The following FAM171A1 variants were observed in gnomAD, a reference collection of about 807,000 sequenced individuals.
The protein encoded by FAM171A1 is family with sequence similarity 171 member A1.
In FAM171A1, 23 loss-of-function variants were observed where a neutral mutation model predicts 74.9. The ratio of observed to expected loss-of-function variants is 0.31; its 90% confidence interval spans 0.22 to 0.44. FAM171A1 has a LOEUF of 0.44. Among genes scored for constraint, FAM171A1 ranks in the 20% least tolerant of loss-of-function variants. The pLI, the probability that FAM171A1 is intolerant of heterozygous loss-of-function variation, is 1.00. For missense variants in FAM171A1, 1,162 were observed against 1,159.2 expected (o/e 1.00, Z -0.03); for synonymous variants, 527 against 505.7 (o/e 1.04, Z -0.57).
At chr10:15,229,163 A>T (rs9423933) in intron 5 of FAM171A1, among the ~76,000 whole-genome samples, 1 of 152,096 alleles carries the variant, frequency 6.6e-6, no homozygotes, top group Non-Finnish European at 1.5e-5. Flanking sequence ...AGCTACATTC[A>T]CACTGTGAGA....
intron 5 of FAM171A1, among the ~76,000 whole-genome samples, chr10:15,246,954 T>A (rs1230269814): frequency 2.0e-5 from 3 of 152,222 alleles, no homozygotes; most frequent in Non-Finnish European, 4.4e-5. Context: ...CCAATACAAC[T>A]GTCTGGAGGG....
chr10:15,313,889 C>T (rs1316527566), intron 1 of FAM171A1, among the ~76,000 whole-genome samples: 2 of 152,230 alleles, frequency 1.3e-5, no homozygotes, highest in Admixed American at 6.5e-5. Context: ...CTGTTTCCTG[C>T]CAGGACAGAA....
chr10:15,371,252 G>GGCC lies in FAM171A1; in HGVS notation c.-201_-200insGGC, dbSNP rs1564294883. On this transcript the variant is annotated 5_prime_UTR_variant, in exon 1 of 8. Coordinates refer to ENST00000378116, the MANE Select transcript of FAM171A1 (RefSeq NM_001010924.2). ...GGTTTCCCCGAAGAGCCGCGGCGGC[G>GGCC]GCGGCGGCGGCGGCTGCTGCTGCTC... Among the ~76,000 whole-genome samples, 1 of 144,024 alleles carries GGCC rather than the reference G, an allele frequency of 6.9e-6. No homozygotes were observed. Among genetic ancestry groups the GGCC allele is most frequent in the East Asian group, 2.1e-4 (1 of 4,786 alleles). The allele number at this position is 144,024 out of a possible 152,430, so 94.5% of individuals were successfully genotyped here.
intron 1 of FAM171A1, among the ~76,000 whole-genome samples, chr10:15,310,334 GCAGGTAATACC>G (rs1407825828): frequency 1.3e-5 from 2 of 152,182 alleles, no homozygotes; most frequent in African/African-American, 4.8e-5. Context: ...ACAGGTTAGA[GCAGGTAATACC>G]CTTGGGTTGT....
At chr10:15,345,193 T>A (rs1184118198) in intron 1 of FAM171A1, among the ~76,000 whole-genome samples, 3 of 152,208 alleles carry the variant, frequency 2.0e-5, no homozygotes, top group African/African-American at 7.2e-5. Flanking sequence ...ATTGGTACGA[T>A]CACATTGACT....
At chr10:15,320,407 T>C (rs61198847) in intron 1 of FAM171A1, among the ~76,000 whole-genome samples, 3,294 of 152,350 alleles carry the variant, frequency 0.022, 128 homozygotes, top group African/African-American at 0.075. Context: ...ATTTTTGCTA[T>C]TGTGAATAGT....
At chr10:15,363,888 C>T (rs7924225) in intron 1 of FAM171A1, among the ~76,000 whole-genome samples, 5 of 152,146 alleles carry the variant, frequency 3.3e-5, no homozygotes, top group South Asian at 2.1e-4. Flanking sequence ...GTTTCCACAG[C>T]GCTCCTCCCT....
intron 1 of FAM171A1, among the ~76,000 whole-genome samples, chr10:15,318,934 C>T (rs570926810): frequency 6.6e-6 from 1 of 152,264 alleles, no homozygotes; most frequent in Middle Eastern, 3.4e-3. Flanking sequence ...CTCATAGTTC[C>T]AAGAGGGTTT....
upstream of FAM171A1, among the ~76,000 whole-genome samples, chr10:15,371,667 T>C (rs917514178): frequency 2.0e-5 from 3 of 152,226 alleles, no homozygotes; most frequent in South Asian, 2.1e-4. Flanking sequence ...GCAGTAGGCC[T>C]GCAGTACCTA....
At chr10:15,223,825 T>C (rs1415424903) in intron 5 of FAM171A1, among the ~76,000 whole-genome samples, 2 of 152,114 alleles carry the variant, frequency 1.3e-5, no homozygotes, top group East Asian at 1.9e-4. Context: ...CTTGAACCTG[T>C]GAGGCGGAGG....
At chr10:15,366,278 C>T (rs1836061181) in intron 1 of FAM171A1, among the ~76,000 whole-genome samples, 1 of 152,218 alleles carries the variant, frequency 6.6e-6, no homozygotes, top group East Asian at 1.9e-4. Context: ...CGCCACCATG[C>T]TTGGCTACGT....
At chr10:15,267,559 C>T (rs1051889990) in intron 3 of FAM171A1, among the ~76,000 whole-genome samples, 15 of 133,972 alleles carry the variant, frequency 1.1e-4, no homozygotes, top group African/African-American at 3.1e-4. Context: ...GCCGAGATCG[C>T]GCCACTGTAC....
intron 1 of FAM171A1, among the ~76,000 whole-genome samples, chr10:15,330,356 G>A (rs1478627578): frequency 6.6e-6 from 1 of 152,034 alleles, no homozygotes; most frequent in African/African-American, 2.4e-5. Flanking sequence ...TTACCACAGT[G>A]TCAAAATCAT....
chr10:15,330,511 C>T (rs753511617), intron 1 of FAM171A1, among the ~76,000 whole-genome samples: 2 of 152,114 alleles, frequency 1.3e-5, no homozygotes, highest in Non-Finnish European at 2.9e-5. Flanking sequence ...TAGCACAGAA[C>T]TTCTTTCGGC....
At chr10:15,312,673 G>GTTTTTTTTTTTTTTTTTTTTTTTTTTT (rs1169098742) in intron 1 of FAM171A1, among the ~76,000 whole-genome samples, 2 of 36,402 alleles carry the variant, frequency 5.5e-5, no homozygotes, top group African/African-American at 1.2e-4. Context: ...AGCACTGTGT[G>GTTTTTTTTTTTTTTTTTTTTTTTTTTT]TTTTTTTTTT....
At chr10:15,263,549 G>C (rs1215198827) in intron 3 of FAM171A1, among the ~76,000 whole-genome samples, 1 of 152,118 alleles carries the variant, frequency 6.6e-6, no homozygotes, top group Non-Finnish European at 1.5e-5. Context: ...AGTCTACGTG[G>C]GGGAATATCC....
rs777620472 is a variant in FAM171A1 at position 15,371,040 on chromosome 10, C to T, written c.13G>A (p.Ala5Thr). 1 of 1,139,340 alleles carries T rather than the reference C, an allele frequency of 8.8e-7. No individual in the cohort carries two copies. The highest frequency in any genetic ancestry group is 1.8e-5 in the South Asian group (1 of 55,848). The allele number at this position is 1,139,340 out of a possible 1,614,324, so 70.6% of individuals were successfully genotyped here. A position where few individuals can be genotyped will look rare whatever the true frequency, so the allele number is the denominator to read the frequency against. Reference sequence around the variant, plus strand: ...CCCAGCAGGCACAGCAGCAGCGTCGCGGACCTGCTCATCTCCGCCGCGGGG... The same window carrying T: ...CCCAGCAGGCACAGCAGCAGCGTCGTGGACCTGCTCATCTCCGCCGCGGGG... MSRSATLLLCLLGCH... is the reference protein window; with the variant it reads MSRSTTLLLCLLGCH... Residue 5 changes from alanine to threonine, a missense_variant, in exon 1 of 8, where the codon GCG becomes ACG. Ala to Thr is a moderately conservative substitution (Grantham distance 58). Transcript: ENST00000378116.
intron 1 of FAM171A1, among the ~76,000 whole-genome samples, chr10:15,337,805 G>C (rs1835721415): frequency 6.6e-6 from 1 of 152,164 alleles, no homozygotes. Flanking sequence ...ACAAAAGTTA[G>C]CTGGGCGTGG....
Position 15,265,347 on chromosome 10 carries a change from C to G in FAM171A1, c.419-10468G>C, listed in dbSNP as rs552062589. 1.6e-3 allele frequency among the ~76,000 whole-genome samples: 244 copies of G among 151,756 alleles called. 6 individuals carry two copies. In the South Asian group the frequency reaches 0.041, roughly 25 times the overall value. On this transcript the variant is annotated intron_variant, in intron 3 of 7. Transcript: ENST00000378116. ...AAAATAAGTGGGTTGGGTGTGGCTG[C>G]CTATGCCTGTAATCCCAGTACTTTT...
Sources: allele counts gnomAD v4.1 joint callset (sites outside exome capture counted in the v4.1 genomes callset), GRCh38; gene constraint gnomAD v4.1.1; transcripts MANE v1.5; gene names NCBI Gene and HGNC (gene_info 2026-07-23, HGNC 2026-07-21).